Variants in EHBP1 observed in about 807,000 individuals in gnomAD.
The protein encoded by EHBP1 is EH domain binding protein 1.
In EHBP1, 55 loss-of-function variants were observed where a neutral mutation model predicts 144.0. The ratio of observed to expected loss-of-function variants is 0.38; its 90% CI spans 0.31 to 0.48. The LOEUF is 0.48. Among genes scored for constraint, EHBP1 ranks in the 20% least tolerant of loss-of-function variants. The pLI is 0.98. For synonymous variants in EHBP1, 469 were observed against 472.7 expected, an observed-to-expected ratio of 0.99 and a Z score of 0.10; for missense variants, 1,200 against 1,364.2, an observed-to-expected ratio of 0.88 and a Z score of 1.90.
chr2:62,959,392 C>T (rs767017109), intron 14 of EHBP1, among the ~76,000 whole-genome samples: 3 of 152,082 alleles, frequency 2.0e-5, no homozygotes, highest in South Asian at 2.1e-4. Context: ...ATAAGTACCC[C>T]GAAGTGGGAT....
chr2:62,677,964 G>T (rs1262473581), intron 1 of EHBP1, among the ~76,000 whole-genome samples: 3 of 152,144 alleles, frequency 2.0e-5, no homozygotes, highest in Non-Finnish European at 2.9e-5. Flanking sequence ...ATAACTCTTT[G>T]ATATACTAAT....
chr2:62,804,141 C>T (rs1033097257), intron 5 of EHBP1, among the ~76,000 whole-genome samples: 3 of 152,094 alleles, frequency 2.0e-5, no homozygotes, highest in African/African-American at 7.2e-5. Flanking sequence ...TGTGTCACCA[C>T]AGAAAAAATA....
rs538465834 is a variant in EHBP1, at chr2:62,789,278, A to G, written c.312+17886A>G. ...CACAAACACATATATATGTAGTAGA[A>G]AAAGACCTTGGAATTCCTAACTTGG... On this transcript the variant is annotated intron_variant, in intron 5 of 22. Transcript: ENST00000431489. Among the ~76,000 whole-genome samples, 49 of 152,346 alleles carry G rather than the reference A, an allele frequency of 3.2e-4. 2 individuals are homozygous for G. In the East Asian group the frequency reaches 9.1e-3, roughly 28 times the overall value.
chr2:62,944,041 G>A (rs752190976), intron 12 of EHBP1, among the ~76,000 whole-genome samples, 191 bp downstream of exon 12: 11 of 152,172 alleles, frequency 7.2e-5, no homozygotes, highest in Non-Finnish European at 1.6e-4. Context: ...GACCACAAGT[G>A]CCAGGTTGGC....
chr2:62,962,641 T>C (rs975689271), intron 14 of EHBP1, among the ~76,000 whole-genome samples: 1 of 152,224 alleles, frequency 6.6e-6, no homozygotes, highest in African/African-American at 2.4e-5. Flanking sequence ...AATTATAACT[T>C]TTTTAACAGA....
At chr2:62,810,723 C>A (rs1460078364) in intron 5 of EHBP1, among the ~76,000 whole-genome samples, 1 of 152,168 alleles carries the variant, frequency 6.6e-6, no homozygotes, top group Non-Finnish European at 1.5e-5. Context: ...GGTACCAGGT[C>A]TTATTTAAAC....
intron 10 of EHBP1, among the ~76,000 whole-genome samples, chr2:62,888,068 A>G (rs796393489): frequency 1.3e-5 from 2 of 152,206 alleles, no homozygotes; most frequent in South Asian, 4.1e-4. Context: ...AGGGTGAGGC[A>G]AGAGAAATTT....
chr2:62,948,359 C>G lies in EHBP1; in HGVS notation c.1513C>G (p.Leu505Val). Residue 505 changes from leucine (L) to valine (V), a missense_variant, in exon 13 of 23, where the codon CTC becomes GTC. By Grantham distance (32) the Leu-to-Val change is conservative. Transcript: ENST00000431489. ...IPDKLTVMTY[L>V]YQIRAHFSGQ... Reference sequence around the variant, plus strand: ...TGATAAACTGACTGTTATGACTTATCTCTATCAAATAAGGGCACATTTCAG... The same window carrying G: ...TGATAAACTGACTGTTATGACTTATGTCTATCAAATAAGGGCACATTTCAG... The G allele has an allele frequency of 6.2e-7, 1 of 1,613,780 alleles. No homozygotes were observed. The highest frequency in any genetic ancestry group is 8.5e-7 in the Non-Finnish European group (1 of 1,179,880).
At chr2:62,763,353 A>G (rs767776283) in intron 3 of EHBP1, among the ~76,000 whole-genome samples, 2 of 152,152 alleles carry the variant, frequency 1.3e-5, no homozygotes, top group Non-Finnish European at 2.9e-5. Flanking sequence ...TCCAGGGCCT[A>G]GAACAGTGCT....
intron 10 of EHBP1, among the ~76,000 whole-genome samples, chr2:62,916,691 T>C (rs1354760039): frequency 6.7e-6 from 1 of 150,264 alleles, no homozygotes; most frequent in Non-Finnish European, 1.5e-5. Flanking sequence ...ATAGCTATTT[T>C]TCCATATATA....
At chr2:62,955,723 T>A in intron 14 of EHBP1, 63 bp downstream of exon 14, 3 of 1,515,506 alleles carry the variant, frequency 2.0e-6, no homozygotes, top group Non-Finnish European at 2.7e-6. Context: ...AGGAGGGAAG[T>A]AATTTGCTTG....
At chr2:62,798,174 C>A (rs1489365047) in intron 5 of EHBP1, among the ~76,000 whole-genome samples, 5 of 152,000 alleles carry the variant, frequency 3.3e-5, no homozygotes, top group African/African-American at 1.2e-4. Flanking sequence ...TGAGACTAAC[C>A]TGGCAATTGT....
chr2:62,797,233 G>T (rs766035469), intron 5 of EHBP1, among the ~76,000 whole-genome samples: 1 of 152,024 alleles, frequency 6.6e-6, no homozygotes, highest in Non-Finnish European at 1.5e-5. Flanking sequence ...ATTACTTTGC[G>T]TGCAGCAACC....
chr2:62,808,942 A>G (rs1342698878), intron 5 of EHBP1, among the ~76,000 whole-genome samples: 1 of 152,188 alleles, frequency 6.6e-6, no homozygotes. Flanking sequence ...AGACTCTGAT[A>G]AAACCCCAGC....
At chr2:62,782,204 T>C (rs909646221) in intron 5 of EHBP1, among the ~76,000 whole-genome samples, 4 of 152,204 alleles carry the variant, frequency 2.6e-5, no homozygotes, top group African/African-American at 7.2e-5. Flanking sequence ...CACTCAGATA[T>C]TAATTTTGGT....
chr2:62,826,349 T>C (rs902668815), intron 6 of EHBP1, 81 bp downstream of exon 6: 4 of 1,302,756 alleles, frequency 3.1e-6, no homozygotes, highest in Non-Finnish European at 4.1e-6. Context: ...CTGGCAATAG[T>C]TGAACATCTT....
chr2:62,937,497 A>G (rs1318936794), intron 10 of EHBP1, among the ~76,000 whole-genome samples: 3 of 152,212 alleles, frequency 2.0e-5, no homozygotes, highest in African/African-American at 7.2e-5. Context: ...AGAACTGAAT[A>G]TATTATAGTA....
chr2:62,957,676 C>G (rs573529216), intron 14 of EHBP1, among the ~76,000 whole-genome samples: 1 of 95,440 alleles, frequency 1.0e-5, no homozygotes, highest in Non-Finnish European at 1.8e-5. Context: ...GATGGAGTCT[C>G]GCCATGTCAC....
At chr2:62,816,088 A>G (rs949793847) in intron 5 of EHBP1, among the ~76,000 whole-genome samples, 7 of 152,210 alleles carry the variant, frequency 4.6e-5, no homozygotes, top group Non-Finnish European at 8.8e-5. Context: ...TCTGAAAAGA[A>G]TAATTAAAAT....
Sources: gnomAD v4.1 joint callset for allele counts (sites outside exome capture counted in the v4.1 genomes callset) on GRCh38, gnomAD v4.1.1 for gene constraint, MANE v1.5 for transcripts, NCBI Gene and HGNC (gene_info 2026-07-23, HGNC 2026-07-21) for gene names.